FBXW11: variants seen among roughly 807,000 people sequenced by gnomAD.
FBXW11 encodes the protein F-box/WD repeat-containing protein 11.
Under a neutral mutation model 77.6 loss-of-function variants are expected in FBXW11, and 19 were observed. The ratio of observed to expected loss-of-function variants is 0.24; its 90% CI spans 0.17 to 0.36. FBXW11 has a LOEUF of 0.36. FBXW11 is among the 10% of genes least tolerant of loss of function. The probability of loss-of-function intolerance (pLI) is 1.00; values close to 1 mark genes in which losing one functional copy is unlikely to be tolerated. For synonymous variants in FBXW11, 235 were observed against 249.4 expected, an observed-to-expected ratio of 0.94 and a Z score of 0.54; for missense variants, 334 against 704.2, an observed-to-expected ratio of 0.47 and a Z score of 5.95.
rs1222905214 is a variant in FBXW11, at chr5:171,999,389, C to CA, written c.45+7068dup. Among the ~76,000 whole-genome samples, 408 of 127,578 alleles carry CA rather than the reference C, an allele frequency of 3.2e-3. 2 individuals are homozygous for CA. Among genetic ancestry groups the CA allele is most frequent in the African/African-American group, 9.3e-3 (247 of 26,680 alleles). The allele number at this position is 127,578 out of a possible 152,430, so 83.7% of individuals were successfully genotyped here. A position where few individuals can be genotyped will look rare whatever the true frequency, so the allele number is the denominator to read the frequency against. ...TGAGTTAATTTTTCTCCCTTCCCTT[C>CA]AAAAAAAAAAAATATATATATATAT... is the stretch of plus-strand genomic sequence containing the variant. On this transcript the variant is annotated intron_variant, in intron 1 of 13. Coordinates refer to ENST00000517395, the MANE Select transcript of FBXW11 (RefSeq NM_001378974.1).
intron 2 of FBXW11, among the ~76,000 whole-genome samples, chr5:171,934,704 A>T (rs1486046300): frequency 2.0e-5 from 3 of 151,654 alleles, no homozygotes; most frequent in African/African-American, 7.2e-5. Context: ...ATAGAAAATT[A>T]TTAGGAAACA....
At chr5:171,889,774 G>A (rs1759193526) in intron 7 of FBXW11, among the ~76,000 whole-genome samples, 1 of 152,028 alleles carries the variant, frequency 6.6e-6, no homozygotes, top group South Asian at 2.1e-4. Flanking sequence ...TATAATCCCA[G>A]CTACTCGGGA....
intron 11 of FBXW11, among the ~76,000 whole-genome samples, chr5:171,870,107 C>T (rs1008230476): frequency 6.6e-6 from 1 of 152,154 alleles, no homozygotes; most frequent in African/African-American, 2.4e-5. Context: ...CAAATTCATT[C>T]ATCAGGGGAC....
intron 13 of FBXW11, among the ~76,000 whole-genome samples, chr5:171,866,356 A>T (rs758525107): frequency 6.6e-6 from 1 of 152,212 alleles, no homozygotes; most frequent in South Asian, 2.1e-4. Flanking sequence ...TGAAGAGACA[A>T]ACACATTTGT....
chr5:171,882,873 G>T (rs923365060), intron 7 of FBXW11, among the ~76,000 whole-genome samples: 7 of 151,708 alleles, frequency 4.6e-5, no homozygotes, highest in Non-Finnish European at 8.8e-5. Flanking sequence ...GTGAGATTCT[G>T]GTGCACTCAT....
chr5:171,974,658 G>A (rs1050320867), intron 1 of FBXW11, among the ~76,000 whole-genome samples: 1 of 152,096 alleles, frequency 6.6e-6, no homozygotes, highest in Admixed American at 6.6e-5. Context: ...GTTAGAGGCT[G>A]CAGTGTGCTA....
At chr5:171,958,510 C>T (rs1053027662) in intron 1 of FBXW11, among the ~76,000 whole-genome samples, 1 of 152,110 alleles carries the variant, frequency 6.6e-6, no homozygotes, top group South Asian at 2.1e-4. Flanking sequence ...AACATTGGAA[C>T]GTCATGATTT....
chr5:171,967,881 TATACACACACAC>T (rs1403636892), intron 1 of FBXW11, among the ~76,000 whole-genome samples: 38 of 64,916 alleles, frequency 5.9e-4, no homozygotes, highest in African/African-American at 2.3e-3. Context: ...TATATATATA[TATACACACACAC>T]ACACACACAC....
At chr5:171,900,648 A>C (rs1449633127) in intron 4 of FBXW11, among the ~76,000 whole-genome samples, 1 of 152,230 alleles carries the variant, frequency 6.6e-6, no homozygotes, top group Non-Finnish European at 1.5e-5. Context: ...CTCATCTTGA[A>C]AAACTTATGA....
chr5:171,866,608 AAT>A (rs1400973827), intron 13 of FBXW11, among the ~76,000 whole-genome samples: 1 of 152,224 alleles, frequency 6.6e-6, no homozygotes, highest in African/African-American at 2.4e-5. Flanking sequence ...ACTTTTAGGT[AAT>A]ATATAGATGT....
rs553800491 is a variant in FBXW11 at position 171,950,349 on chromosome 5, G to A, written c.147+7248C>T. 2.3e-3 allele frequency among the ~76,000 whole-genome samples: 356 copies of A among 151,776 alleles called. 2 individuals are homozygous for A. Among genetic ancestry groups the A allele is most frequent in the Middle Eastern group, 6.8e-3 (2 of 292 alleles). On this transcript the variant is annotated intron_variant, in intron 2 of 13. Coordinates refer to ENST00000517395, the MANE Select transcript of FBXW11 (RefSeq NM_001378974.1). ...TGTTCACTTTAAGATAAATCACTGA[G>A]CTGTACACACTTAAGATTTTTGAAC...
At chr5:171,911,547 A>G in intron 3 of FBXW11, among the ~76,000 whole-genome samples, 1 of 152,178 alleles carries the variant, frequency 6.6e-6, no homozygotes, top group East Asian at 1.9e-4. Context: ...AATCTCCTCC[A>G]TACTTTCCCA....
chr5:171,898,404 C>T (rs1242442313), intron 6 of FBXW11, among the ~76,000 whole-genome samples: 2 of 152,132 alleles, frequency 1.3e-5, no homozygotes, highest in African/African-American at 2.4e-5. Flanking sequence ...AGGAAAAAGG[C>T]TAAAATAGTA....
chr5:171,950,905 A>G lies in FBXW11; in HGVS notation c.147+6692T>C, dbSNP rs182813872. On this transcript the variant is annotated intron_variant, in intron 2 of 13. Transcript: ENST00000517395. The stretch of plus-strand genomic sequence containing the variant: ...CGGTCTCAAAAAAATACATAAATAA[A>G]TAATTTTTTTTTAATTTAAATGAGG... 8.5e-5 allele frequency among the ~76,000 whole-genome samples: 13 copies of G among 152,222 alleles called. No homozygotes were observed. In the East Asian group the frequency reaches 2.3e-3, roughly 27 times the overall value.
intron 2 of FBXW11, among the ~76,000 whole-genome samples, chr5:171,944,368 G>A (rs1762895435): frequency 6.6e-6 from 1 of 151,852 alleles, no homozygotes; most frequent in Admixed American, 6.6e-5. Flanking sequence ...GAGGTCAGGA[G>A]ATCAAGACCA....
intron 2 of FBXW11, among the ~76,000 whole-genome samples, chr5:171,915,138 G>A (rs1761143265): frequency 6.6e-6 from 1 of 152,148 alleles, no homozygotes. Context: ...ATGGCTAAAT[G>A]GAAACTTAAT....
intron 2 of FBXW11, among the ~76,000 whole-genome samples, chr5:171,936,109 T>TAAAAAAAAAAAA (rs61349170): frequency 2.0e-4 from 12 of 59,302 alleles, no homozygotes; most frequent in East Asian, 4.5e-4. Flanking sequence ...AGACTCCATC[T>TAAAAAAAAAAAA]AAAAAAAAAA....
chr5:171,930,376 T>C (rs1219106806), intron 2 of FBXW11, among the ~76,000 whole-genome samples: 2 of 152,218 alleles, frequency 1.3e-5, no homozygotes, highest in Non-Finnish European at 2.9e-5. Context: ...AAGGTAAGAA[T>C]GTTCCCTCTC....
At chr5:171,906,232 C>T (rs1760509545) in intron 4 of FBXW11, among the ~76,000 whole-genome samples, 1 of 144,684 alleles carries the variant, frequency 6.9e-6, no homozygotes, top group Non-Finnish European at 1.5e-5. Context: ...CCCGTGTTAT[C>T]CCTTCCCCCT....
Sources: gnomAD v4.1 joint callset for allele counts (sites outside exome capture counted in the v4.1 genomes callset) on GRCh38, gnomAD v4.1.1 for gene constraint, MANE v1.5 for transcripts, NCBI Gene and HGNC (gene_info 2026-07-23, HGNC 2026-07-21) for gene names.